TMEM163: variants seen among roughly 807,000 people sequenced by gnomAD.
TMEM163 encodes the protein transmembrane protein 163.
In TMEM163, 17 loss-of-function variants were observed where a neutral mutation model predicts 29.3. That is an observed-to-expected ratio of 0.58 (90% CI 0.40 to 0.87). The LOEUF (loss-of-function observed/expected upper bound fraction) is 0.87, where lower values mean the gene tolerates loss of function less well. Among genes scored for constraint, TMEM163 ranks in the 40% least tolerant of loss-of-function variants. The pLI is 0.00. For synonymous variants in TMEM163, 157 were observed against 160.6 expected (o/e 0.98, Z 0.17); for missense variants, 303 against 381.5 (o/e 0.79, Z 1.71).
At chr2:134,620,716 A>G (rs1445584074) in intron 2 of TMEM163, among the ~76,000 whole-genome samples, 1 of 152,252 alleles carries the variant, frequency 6.6e-6, no homozygotes, top group Non-Finnish European at 1.5e-5. Flanking sequence ...GCAATTCAAT[A>G]CAGAGGAAGC....
intron 2 of TMEM163, among the ~76,000 whole-genome samples, chr2:134,557,167 G>A (rs1681065445): frequency 6.6e-6 from 1 of 152,250 alleles, no homozygotes; most frequent in African/African-American, 2.4e-5. Context: ...TAAAGCCAAA[G>A]GAAGCAGGAG....
At position 134,456,475 on chromosome 2, in the gene TMEM163, G is replaced by C. The variant is rs1277806359; in HGVS notation, c.*241C>G. On this transcript the variant is annotated 3_prime_UTR_variant, in exon 8 of 8. Coordinates refer to ENST00000281924, the MANE Select transcript of TMEM163 (RefSeq NM_030923.5). ...ATACTCCAGAGACTAAAAAACGCCA[G>C]TCCCAGCTGGAGACGGGGAAGGAGG... 7 of 538,216 alleles carry C rather than the reference G, an allele frequency of 1.3e-5. No homozygotes were observed. Among genetic ancestry groups the C allele is most frequent in the African/African-American group, 2.0e-5 (1 of 50,762 alleles). The allele number at this position is 538,216 out of a possible 1,614,324, so 33.3% of individuals were successfully genotyped here.
chr2:134,670,393 C>G (rs1256227732), intron 2 of TMEM163, among the ~76,000 whole-genome samples: 2 of 152,184 alleles, frequency 1.3e-5, no homozygotes, highest in Non-Finnish European at 2.9e-5. Flanking sequence ...GCCTCCTGTG[C>G]TTCCAAAGGG....
intron 2 of TMEM163, among the ~76,000 whole-genome samples, chr2:134,648,082 C>T (rs558979536): frequency 1.3e-5 from 2 of 152,238 alleles, no homozygotes; most frequent in East Asian, 3.9e-4. Flanking sequence ...GTCACACAAA[C>T]AAATCAGAGA....
Position 134,558,842 on chromosome 2 carries a change from C to T in TMEM163, c.323-6751G>A, listed in dbSNP as rs62169000. Among the ~76,000 whole-genome samples, 974 of 152,302 alleles carry T rather than the reference C, an allele frequency of 6.4e-3. 3 individuals carry two copies. The highest frequency in any genetic ancestry group is 0.017 in the Middle Eastern group (5 of 294). ...AATGCCCCCAGGCCCCGTAACACCT[C>T]CAAGTTGCAAAATTATGTGACTGTA... On this transcript the variant is annotated intron_variant, in intron 2 of 7. Transcript: ENST00000281924.
At chr2:134,521,075 T>C (rs1026631608) in intron 4 of TMEM163, among the ~76,000 whole-genome samples, 30 of 151,858 alleles carry the variant, frequency 2.0e-4, no homozygotes, top group Admixed American at 1.2e-3. Flanking sequence ...CTCGGCTCAC[T>C]GCAACCTCCA....
chr2:134,511,650 G>T (rs150897516), intron 4 of TMEM163, among the ~76,000 whole-genome samples: 1 of 152,234 alleles, frequency 6.6e-6, no homozygotes, highest in Non-Finnish European at 1.5e-5. Flanking sequence ...AGGCAGACTG[G>T]CCGGAATTCA....
At chr2:134,582,480 C>T (rs1156447109) in intron 2 of TMEM163, among the ~76,000 whole-genome samples, 1 of 152,162 alleles carries the variant, frequency 6.6e-6, no homozygotes, top group African/African-American at 2.4e-5. Flanking sequence ...CAAATAAAAC[C>T]CCATATCTCA....
intron 2 of TMEM163, among the ~76,000 whole-genome samples, chr2:134,705,423 C>T (rs953633887): frequency 1.2e-4 from 19 of 152,166 alleles, no homozygotes; most frequent in East Asian, 1.9e-4. Context: ...AGGGAGAAGA[C>T]GGCGATCTAT....
At chr2:134,631,325 AC>A (rs1212053493) in intron 2 of TMEM163, among the ~76,000 whole-genome samples, 3 of 152,126 alleles carry the variant, frequency 2.0e-5, no homozygotes, top group Non-Finnish European at 2.9e-5. Flanking sequence ...TCAATCTCAC[AC>A]TAATGACTTT....
intron 2 of TMEM163, among the ~76,000 whole-genome samples, chr2:134,638,538 T>C (rs1453645314): frequency 6.6e-6 from 1 of 151,934 alleles, no homozygotes; most frequent in Non-Finnish European, 1.5e-5. Context: ...AGAAAGACCA[T>C]TTAGGAGGCG....
chr2:134,530,133 G>A (rs1680387723), intron 4 of TMEM163, among the ~76,000 whole-genome samples: 1 of 152,120 alleles, frequency 6.6e-6, no homozygotes, highest in Non-Finnish European at 1.5e-5. Flanking sequence ...GGACGCATCT[G>A]CTCTTCCTTC....
intron 4 of TMEM163, among the ~76,000 whole-genome samples, chr2:134,527,687 C>T (rs781663441): frequency 1.3e-5 from 2 of 152,198 alleles, no homozygotes; most frequent in Non-Finnish European, 2.9e-5. Flanking sequence ...TCATTCCGGT[C>T]CTGGCTGAAA....
In TMEM163 at chr2:134,551,584, G is replaced by T. The variant is rs563446160; in HGVS notation, c.366+464C>A. ...CCCAATTTCTAAACAGACCTAGCCT[G>T]TGAAGCAGAGACCCACTTTCTCCAA... On this transcript the variant is annotated intron_variant, in intron 3 of 7. Transcript: ENST00000281924. 2.6e-5 allele frequency among the ~76,000 whole-genome samples: 4 copies of T among 152,288 alleles called. No individual in the cohort carries two copies. The East Asian group carries it at 5.8e-4, about 22-fold the overall frequency.
At chr2:134,540,431 AGTTGGAGAATTTTATAGTTCTCCATTTTT>A in intron 4 of TMEM163, among the ~76,000 whole-genome samples, 1 of 152,366 alleles carries the variant, frequency 6.6e-6, no homozygotes, top group Admixed American at 6.5e-5. Flanking sequence ...CTGCATTTCA[AGTTGGAGAATTTTATAGTTCTCCATTTTT>A]GTGGATCCCT....
chr2:134,496,885 A>T (rs1679577144), intron 5 of TMEM163, among the ~76,000 whole-genome samples: 1 of 152,148 alleles, frequency 6.6e-6, no homozygotes, highest in Non-Finnish European at 1.5e-5. Flanking sequence ...AACAGGACAC[A>T]AAAGCATGAC....
intron 2 of TMEM163, among the ~76,000 whole-genome samples, chr2:134,604,255 G>A (rs1682300342): frequency 6.6e-6 from 1 of 152,142 alleles, no homozygotes; most frequent in South Asian, 2.1e-4. Context: ...AGGGAAAGCT[G>A]GGGATGCCGA....
intron 6 of TMEM163, among the ~76,000 whole-genome samples, chr2:134,464,995 T>C (rs994824589): frequency 6.6e-6 from 1 of 152,014 alleles, no homozygotes; most frequent in Non-Finnish European, 1.5e-5. Context: ...ACCATGCATG[T>C]CTGCACTCCA....
Position 134,466,244 on chromosome 2 carries a change from G to A in TMEM163, c.556-19C>T, listed in dbSNP as rs1298496042. On this transcript the variant is annotated intron_variant, in intron 5 of 7. Transcript: ENST00000281924. ...AATCGTCCTGCAAGAGAAAGTTCCA[G>A]ATTTCAACAGTTCACCTCCTGCTGG... 1 of 1,596,248 alleles carries A rather than the reference G, an allele frequency of 6.3e-7. No homozygotes were observed. Among genetic ancestry groups the A allele is most frequent in the Admixed American group, 1.7e-5 (1 of 59,462 alleles).
Sources: allele counts gnomAD v4.1 joint callset (sites outside exome capture counted in the v4.1 genomes callset), GRCh38; gene constraint gnomAD v4.1.1; transcripts MANE v1.5; gene names NCBI Gene and HGNC (gene_info 2026-07-23, HGNC 2026-07-21).